Variants in CCKBR observed in about 807,000 individuals in gnomAD.
The protein encoded by CCKBR is gastrin/cholecystokinin type B receptor.
Under a neutral mutation model 34.6 loss-of-function variants are expected in CCKBR, and 33 were observed. That is an observed-to-expected ratio of 0.95 (90% CI 0.72 to 1.27). The LOEUF (loss-of-function observed/expected upper bound fraction) is 1.27, where lower values mean the gene tolerates loss of function less well. Among genes scored for constraint, CCKBR ranks in the 50% most tolerant of loss-of-function variants. CCKBR has a pLI of 0.00. For missense variants in CCKBR, 652 were observed against 617.4 expected, an observed-to-expected ratio of 1.06 and a Z score of -0.59; for synonymous variants, 269 against 267.5, an observed-to-expected ratio of 1.01 and a Z score of -0.06.
At position 6,269,720 on chromosome 11, in the gene CCKBR, G is replaced by A. The variant is rs199875259; in HGVS notation, c.203G>A (p.Ser68Asn). 2 of 1,614,122 alleles carry A rather than the reference G, an allele frequency of 1.2e-6. No individual in the cohort carries two copies. The highest frequency in any genetic ancestry group is 1.3e-5 in the African/African-American group (1 of 75,032). ...ITLYAVIFLM[S>N]VGGNMLIIVV... is the part of the protein sequence containing the mutation. Reference sequence around the variant, plus strand: ...CTTTACGCAGTGATCTTCCTGATGAGCGTTGGAGGAAATATGCTCATCATC... The same window carrying A: ...CTTTACGCAGTGATCTTCCTGATGAACGTTGGAGGAAATATGCTCATCATC... Residue 68 changes from serine (S) to asparagine (N), a missense_variant, in exon 2 of 5, where the codon AGC becomes AAC. Transcript: ENST00000334619.
Position 6,271,717 on chromosome 11 carries a change from T to A in CCKBR, c.*174T>A. The stretch of plus-strand genomic sequence containing the variant: ...CACAAGAGGAATAAGAATGGAGCAG[T>A]ACATGGGAAAGGAGGCATGCCTCTG... On this transcript the variant is annotated 3_prime_UTR_variant, in exon 5 of 5. Transcript: ENST00000334619. 1.6e-6 allele frequency: 1 copy of A among 638,858 alleles called. No individual in the cohort carries two copies. Among genetic ancestry groups the A allele is most frequent in the South Asian group, 2.2e-5 (1 of 44,602 alleles). 39.6% of individuals were successfully genotyped at this position (638,858 alleles called of 1,614,324 possible).
intron 1 of CCKBR, among the ~76,000 whole-genome samples, chr11:6,261,417 T>G: frequency 8.0e-6 from 1 of 124,548 alleles, no homozygotes; most frequent in Non-Finnish European, 1.6e-5. Context: ...GGAGGCTGGC[T>G]CTAAGCTTCC....
At chr11:6,260,138 A>G (rs1208492769) in intron 1 of CCKBR, 59 bp downstream of exon 1, 7 of 1,298,068 alleles carry the variant, frequency 5.4e-6, no homozygotes, top group Non-Finnish European at 6.3e-6. Context: ...CAGAACACTA[A>G]TAGAGTCCCC....
chr11:6,260,475 A>AAAGG (rs1848113462), intron 1 of CCKBR, among the ~76,000 whole-genome samples: 1 of 152,158 alleles, frequency 6.6e-6, no homozygotes, highest in Admixed American at 6.5e-5. Context: ...GGGAAGGAAG[A>AAAGG]AAGGAAGGCA....
At chr11:6,262,625 A>G (rs998083885) in intron 1 of CCKBR, among the ~76,000 whole-genome samples, 3 of 151,256 alleles carry the variant, frequency 2.0e-5, no homozygotes, top group Non-Finnish European at 4.4e-5. Flanking sequence ...TGAGAGAAGG[A>G]GTTATGAGAA....
Position 6,270,751 on chromosome 11 carries a change from C to T in CCKBR, c.759C>T (p.Gly253=), listed in dbSNP as rs2133905627. 1.2e-6 allele frequency: 2 copies of T among 1,614,160 alleles called. No homozygotes were observed. The highest frequency in any genetic ancestry group is 1.7e-6 in the Non-Finnish European group (2 of 1,180,042). The part of the protein sequence containing the change: ...RELYLGLRFD[G]DSDSDSQSRV... ...TCTACTTAGGGCTTCGCTTTGACGG[C>T]GACAGTGACAGCGACAGCCAAAGCA... The change falls in exon 4 of 5, where the codon GGC becomes GGT. Residue 253 remains glycine (G), a synonymous_variant. Coordinates refer to ENST00000334619, the MANE Select transcript of CCKBR (RefSeq NM_176875.4).
intron 1 of CCKBR, 113 bp from the exon 2 acceptor site, chr11:6,269,556 G>T (rs1463247189): frequency 2.5e-6 from 3 of 1,214,168 alleles, no homozygotes; most frequent in Non-Finnish European, 3.5e-6. Flanking sequence ...GTTCATCGGT[G>T]GGGAATGTAG....
chr11:6,261,672 C>A (rs1456258056), intron 1 of CCKBR, among the ~76,000 whole-genome samples: 8 of 152,038 alleles, frequency 5.3e-5, no homozygotes, highest in Non-Finnish European at 1.2e-4. Flanking sequence ...AATGAACAGG[C>A]TGGAGACCAG....
At position 6,271,663 on chromosome 11, in the gene CCKBR, C is replaced by A; in HGVS notation, c.*120C>A. Reference sequence around the variant, plus strand: ...CAACACCCAAAGCATGGACTAACCCCAACGCACAGGAAAAGGTAGCTTACC... The same window carrying A: ...CAACACCCAAAGCATGGACTAACCCAAACGCACAGGAAAAGGTAGCTTACC... On this transcript the variant is annotated 3_prime_UTR_variant, in exon 5 of 5. Coordinates refer to ENST00000334619, the MANE Select transcript of CCKBR (RefSeq NM_176875.4). The A allele has an allele frequency of 2.0e-6, 2 of 988,204 alleles. No homozygotes were observed. Among genetic ancestry groups the A allele is most frequent in the Non-Finnish European group, 2.9e-6 (2 of 688,854 alleles). 61.2% of individuals were successfully genotyped at this position (988,204 alleles called of 1,614,324 possible).
rs1447691939 is a variant in CCKBR at position 6,261,454 on chromosome 11, A to AAAAAAT, written c.151+1376_151+1377insAAAATA. On this transcript the variant is annotated intron_variant, in intron 1 of 4. Transcript: ENST00000334619. ...GTTGGCAAAAAAAAAAAAAAAAAAA[A>AAAAAAT]ATATATATACACACACACACACACA... 1.1e-4 allele frequency among the ~76,000 whole-genome samples: 7 copies of AAAAAAT among 60,886 alleles called. No individual in the cohort carries two copies. The East Asian group carries it at 3.6e-3, about 31-fold the overall frequency. The allele number at this position is 60,886 out of a possible 152,430, so 39.9% of individuals were successfully genotyped here. A position where few individuals can be genotyped will look rare whatever the true frequency, so the allele number is the denominator to read the frequency against.
intron 1 of CCKBR, chr11:6,264,637 C>T (rs1199054224): frequency 3.0e-5 from 20 of 672,958 alleles, no homozygotes; most frequent in Non-Finnish European, 5.4e-5. Flanking sequence ...CCAGCAGGTG[C>T]TATCTCCCAT....
chr11:6,265,724 G>A (rs758452168), intron 1 of CCKBR, among the ~76,000 whole-genome samples: 3 of 152,134 alleles, frequency 2.0e-5, no homozygotes, highest in Non-Finnish European at 2.9e-5. Context: ...TAAGCCTTCT[G>A]TAATCCTTCC....
At chr11:6,267,034 C>CGGG (rs1468628122) in intron 1 of CCKBR, among the ~76,000 whole-genome samples, 1 of 152,094 alleles carries the variant, frequency 6.6e-6, no homozygotes, top group Non-Finnish European at 1.5e-5. Context: ...CCATCATACA[C>CGGG]CTGTATAGGG....
At chr11:6,265,850 G>C (rs547266195) in intron 1 of CCKBR, among the ~76,000 whole-genome samples, 13 of 152,290 alleles carry the variant, frequency 8.5e-5, no homozygotes, top group African/African-American at 3.1e-4. Context: ...CTTCCAACAT[G>C]TGTCTCCAAA....
In CCKBR at chr11:6,261,462, T is replaced by TATATATATATACACACACAC. The variant is rs764173521; in HGVS notation, c.151+1384_151+1385insTATATATATACACACACACA. Among the ~76,000 whole-genome samples the TATATATATATACACACACAC allele has an allele frequency of 1.3e-3, 83 of 63,984 alleles. 2 individuals are homozygous for TATATATATATACACACACAC. The highest frequency in any genetic ancestry group is 5.8e-3 in the Admixed American group (23 of 3,948). The allele number at this position is 63,984 out of a possible 152,430, so 42.0% of individuals were successfully genotyped here. A position where few individuals can be genotyped will look rare whatever the true frequency, so the allele number is the denominator to read the frequency against. The stretch of plus-strand genomic sequence containing the variant: ...AAAAAAAAAAAAAAAAAAATATATA[T>TATATATATATACACACACAC]ACACACACACACACACACACACACA... On this transcript the variant is annotated intron_variant, in intron 1 of 4. Coordinates refer to ENST00000334619, the MANE Select transcript of CCKBR (RefSeq NM_176875.4).
intron 2 of CCKBR, 76 bp from the exon 3 acceptor site, chr11:6,270,012 G>A (rs1179073574): frequency 1.3e-6 from 2 of 1,589,752 alleles, no homozygotes; most frequent in East Asian, 2.2e-5. Context: ...GCAGGGAGGG[G>A]TGTGAGGAAG....
chr11:6,269,589 T>C (rs1848260115), intron 1 of CCKBR, 80 bp from the exon 2 acceptor site: 1 of 1,521,794 alleles, frequency 6.6e-7, no homozygotes, highest in African/African-American at 1.4e-5. Flanking sequence ...GTAGTGAGGG[T>C]TGGGGATAAG....
At chr11:6,261,486 CACACACACACACAT>C (rs1269579830) in intron 1 of CCKBR, among the ~76,000 whole-genome samples, 2 of 138,070 alleles carry the variant, frequency 1.4e-5, no homozygotes, top group African/African-American at 5.3e-5. Context: ...CACACACACA[CACACACACACACAT>C]ATACATATGG....
chr11:6,270,048 G>A (rs1306922551), intron 2 of CCKBR, 40 bp from the exon 3 acceptor site: 1 of 1,587,892 alleles, frequency 6.3e-7, no homozygotes, highest in East Asian at 2.2e-5. Context: ...TGTAGTGCAA[G>A]TTTCCTAGGT....
Sources: gnomAD v4.1 joint callset for allele counts (sites outside exome capture counted in the v4.1 genomes callset) on GRCh38, gnomAD v4.1.1 for gene constraint, MANE v1.5 for transcripts, NCBI Gene and HGNC (gene_info 2026-07-23, HGNC 2026-07-21) for gene names.